The following SNURF variants were observed in gnomAD, a reference collection of about 807,000 sequenced individuals.
The protein encoded by SNURF is SNURF protein.
A neutral mutation model predicts 11.6 loss-of-function variants in SNURF; 6 were observed. The observed-to-expected ratio is 0.52, with a 90% CI of 0.28 to 1.02. The LOEUF is 1.02. Ranked by LOEUF, SNURF falls within the 50% of genes least tolerant of loss-of-function variation. The pLI is 0.09. For synonymous variants in SNURF, 29 were observed against 31.6 expected (o/e 0.92, Z 0.27); for missense variants, 84 against 88.4 (o/e 0.95, Z 0.20).
chr15:24,976,937 G>A lies in SNURF; in HGVS notation c.*370G>A. The A allele has an allele frequency of 3.1e-6, 5 of 1,608,602 alleles. No individual in the cohort carries two copies. The highest frequency in any genetic ancestry group is 4.2e-6 in the Non-Finnish European group (5 of 1,178,406). ...TGGAGGCCCTGGGGTTGGTAGGGCA[G>A]CTGGTAGAGGAGTACCAGCTGGTGT... is the stretch of plus-strand genomic sequence containing the variant. On this transcript the variant is annotated 3_prime_UTR_variant and NMD_transcript_variant, in exon 6 of 7. Transcript: ENST00000580062.
intron 1 of SNURF, among the ~76,000 whole-genome samples, chr15:24,958,545 T>C (rs968397726): frequency 7.0e-6 from 1 of 142,116 alleles, no homozygotes; most frequent in Non-Finnish European, 1.5e-5. Context: ...CTCCCTATGT[T>C]GTCCAGGCTG....
At chr15:24,976,608 G>T (rs1288514480) in intron 5 of SNURF, among the ~76,000 whole-genome samples, 2 of 152,166 alleles carry the variant, frequency 1.3e-5, no homozygotes, top group African/African-American at 4.8e-5. Context: ...TATTCTATGT[G>T]CTGGGCATTA....
At chr15:24,974,880 G>A in intron 3 of SNURF, 1 of 702,074 alleles carries the variant, frequency 1.4e-6, no homozygotes, top group Non-Finnish European at 2.6e-6. Context: ...AATGTTTCAT[G>A]ATGTGAGAAA....
chr15:24,975,081 G>T lies in SNURF; in HGVS notation c.*46-277G>T, dbSNP rs2076915948. 9.0e-6 allele frequency: 6 copies of T among 668,990 alleles called. No individual in the cohort carries two copies. In the Admixed American group the frequency reaches 1.3e-4, roughly 15 times the overall value. 41.4% of individuals were successfully genotyped at this position (668,990 alleles called of 1,614,324 possible). ...TCATTGTGGTTTGGTTTACTTAGGG[G>T]AGTGGACAGTTTAGAGCATGCATCG... On this transcript the variant is annotated intron_variant and NMD_transcript_variant, in intron 3 of 6. Transcript: ENST00000580062.
At chr15:24,962,071 T>C (rs1442257425) in intron 1 of SNURF, 43 bp from the exon 2 acceptor site, 2 of 1,441,928 alleles carry the variant, frequency 1.4e-6, no homozygotes, top group African/African-American at 1.4e-5. Flanking sequence ...ATTTCATAGA[T>C]TGATGCAGTC....
chr15:24,974,420 A>G (rs2076825476), intron 3 of SNURF: 2 of 1,611,368 alleles, frequency 1.2e-6, no homozygotes, highest in African/African-American at 2.7e-5. Context: ...ATCAAGTTTT[A>G]ACTGTGGACA....
chr15:24,959,381 C>G (rs1295186420), intron 1 of SNURF, among the ~76,000 whole-genome samples: 2 of 152,116 alleles, frequency 1.3e-5, no homozygotes, highest in South Asian at 2.1e-4. Context: ...AGTCCCAGCA[C>G]TTTTGGAGGC....
rs888914268 is a variant in SNURF, at chr15:24,974,946, A to G, written c.*46-412A>G. Reference sequence around the variant, plus strand: ...GTGGTGAAGGACTGTCCTGCAGATGATGGACTCTCAGGTCAGATTACAATA... The same window carrying G: ...GTGGTGAAGGACTGTCCTGCAGATGGTGGACTCTCAGGTCAGATTACAATA... On this transcript the variant is annotated intron_variant and NMD_transcript_variant, in intron 3 of 6. Transcript: ENST00000580062. The G allele has an allele frequency of 1.6e-5, 11 of 702,878 alleles. No individual in the cohort carries two copies. In the African/African-American group the frequency reaches 1.9e-4, roughly 12 times the overall value. 43.5% of individuals were successfully genotyped at this position (702,878 alleles called of 1,614,324 possible). A position where few individuals can be genotyped will look rare whatever the true frequency, so the allele number is the denominator to read the frequency against.
chr15:24,965,348 GC>G (rs950208883), intron 2 of SNURF, among the ~76,000 whole-genome samples: 7 of 152,034 alleles, frequency 4.6e-5, no homozygotes, highest in Non-Finnish European at 8.8e-5. Context: ...GACCAGCCTG[GC>G]CAACATGGTG....
chr15:24,972,541 CTTTTTTTTTT>C (rs755600861), downstream of SNURF, among the ~76,000 whole-genome samples: 1 of 112,222 alleles, frequency 8.9e-6, no homozygotes, highest in Non-Finnish European at 1.9e-5. Context: ...TTAGAGTATT[CTTTTTTTTTT>C]TTTTTTTTTG....
chr15:24,971,667 T>G (rs1175132591), downstream of SNURF, among the ~76,000 whole-genome samples: 1 of 152,156 alleles, frequency 6.6e-6, no homozygotes, highest in Non-Finnish European at 1.5e-5. Context: ...GTTATTTATA[T>G]CCTATTGCTC....
At chr15:24,971,635 C>T (rs920991300), downstream of SNURF, among the ~76,000 whole-genome samples, 3 of 152,236 alleles carry the variant, frequency 2.0e-5, no homozygotes, top group Non-Finnish European at 2.9e-5. Context: ...TTTCATACCT[C>T]TGGACCGCTA....
exon 6 of SNURF, chr15:24,976,889 C>T (rs1358261350): frequency 6.2e-7 from 1 of 1,607,978 alleles, no homozygotes; most frequent in Admixed American, 1.7e-5. Flanking sequence ...TGGCATTGCT[C>T]GGGTACCACT....
At chr15:24,977,073 C>G (rs367732907) in intron 6 of SNURF, 3 of 1,474,596 alleles carry the variant, frequency 2.0e-6, no homozygotes, top group Non-Finnish European at 2.7e-6. Flanking sequence ...GAGAATATGA[C>G]TAAGCCGGAG....
At chr15:24,964,407 C>G (rs1388472411) in intron 2 of SNURF, among the ~76,000 whole-genome samples, 1 of 152,164 alleles carries the variant, frequency 6.6e-6, no homozygotes, top group East Asian at 1.9e-4. Flanking sequence ...ATTCTCCTGC[C>G]TCAGTCTCCC....
At chr15:24,968,078 A>G in exon 3 of SNURF, 1 of 1,546,702 alleles carries the variant, frequency 6.5e-7, no homozygotes, top group Non-Finnish European at 8.9e-7. Flanking sequence ...CCAAGCAAAA[A>G]CCAGGTTAGA....
chr15:24,975,668 T>A (rs1289586689), intron 4 of SNURF, among the ~76,000 whole-genome samples: 1 of 152,224 alleles, frequency 6.6e-6, no homozygotes, highest in Non-Finnish European at 1.5e-5. Context: ...CTGAATTAGG[T>A]CAGAGTCTGC....
chr15:24,955,074 C>T lies in SNURF; in HGVS notation c.14+12C>T, dbSNP rs375682956. 3.1e-6 allele frequency: 5 copies of T among 1,613,536 alleles called. No individual in the cohort carries two copies. Among genetic ancestry groups the T allele is most frequent in the Non-Finnish European group, 4.2e-6 (5 of 1,180,018 alleles). ...ATGGAGCGGGCAAGGTCAGCTGTGC[C>T]GGTGGCTTCTCTCAAGAGACAGCCT... On this transcript the variant is annotated intron_variant, in intron 1 of 2. Transcript: ENST00000577949.
intron 1 of SNURF, among the ~76,000 whole-genome samples, chr15:24,956,057 C>T (rs2062807803): frequency 6.6e-6 from 1 of 152,102 alleles, no homozygotes; most frequent in Admixed American, 6.5e-5. Flanking sequence ...GCCTACACTG[C>T]CGCAGGGGCT....
Sources: gnomAD v4.1 joint callset for allele counts (sites outside exome capture counted in the v4.1 genomes callset) on GRCh38, gnomAD v4.1.1 for gene constraint, MANE v1.5 for transcripts, NCBI Gene and HGNC (gene_info 2026-07-23, HGNC 2026-07-21) for gene names.